The following DGKI variants were observed in gnomAD, a reference collection of about 807,000 sequenced individuals.
DGKI encodes the protein DAG kinase iota.
DGKI carries 55 observed loss-of-function variants against 147.5 expected under a neutral mutation model. The ratio of observed to expected loss-of-function variants is 0.37; its 90% confidence interval spans 0.30 to 0.47. The LOEUF is 0.47. Among genes scored for constraint, DGKI ranks in the 20% least tolerant of loss-of-function variants. DGKI has a pLI of 1.00. For synonymous variants in DGKI, 469 were observed against 477.1 expected (o/e 0.98, Z 0.22); for missense variants, 1,007 against 1,323.8 (o/e 0.76, Z 3.71).
chr7:137,563,287 A>G (rs1022436484), intron 19 of DGKI, among the ~76,000 whole-genome samples: 1 of 151,794 alleles, frequency 6.6e-6, no homozygotes, highest in Non-Finnish European at 1.5e-5. Context: ...ATAAAAAAAA[A>G]CTACAATTAA....
chr7:137,405,948 C>G (rs753207476), intron 30 of DGKI, among the ~76,000 whole-genome samples: 2 of 151,894 alleles, frequency 1.3e-5, no homozygotes, highest in African/African-American at 2.4e-5. Context: ...GATCCTAGGA[C>G]TAGGGGAGGA....
intron 1 of DGKI, among the ~76,000 whole-genome samples, chr7:137,747,873 T>C (rs556269826): frequency 5.9e-5 from 9 of 152,206 alleles, no homozygotes; most frequent in Non-Finnish European, 1.2e-4. Flanking sequence ...CAAGAAACAT[T>C]CTTTTGTTTT....
At chr7:137,567,173 A>C (rs1781842497) in intron 19 of DGKI, among the ~76,000 whole-genome samples, 1 of 151,738 alleles carries the variant, frequency 6.6e-6, no homozygotes, top group African/African-American at 2.4e-5. Flanking sequence ...CTAAGGCAGG[A>C]GAATCGCTTG....
intron 20 of DGKI, among the ~76,000 whole-genome samples, chr7:137,551,921 A>G (rs1265809783): frequency 6.6e-6 from 1 of 152,194 alleles, no homozygotes; most frequent in Non-Finnish European, 1.5e-5. Flanking sequence ...TGCAATGTGG[A>G]TAGAGGCAAG....
intron 3 of DGKI, among the ~76,000 whole-genome samples, chr7:137,669,553 A>T (rs1317472712): frequency 2.0e-5 from 3 of 152,214 alleles, no homozygotes; most frequent in African/African-American, 7.2e-5. Context: ...ACAATATCCA[A>T]TAACAACAGA....
chr7:137,477,705 G>A (rs146066750), intron 23 of DGKI, among the ~76,000 whole-genome samples: 1,899 of 152,152 alleles, frequency 0.012, 38 homozygotes, highest in African/African-American at 0.044. Flanking sequence ...CACCCAGGCG[G>A]GAGTGCAGTG....
chr7:137,399,002 A>ATTT lies in DGKI; in HGVS notation c.2921-1592_2921-1590dup, dbSNP rs10523881. Among the ~76,000 whole-genome samples, 439 of 145,534 alleles carry ATTT rather than the reference A, an allele frequency of 3.0e-3. 2 individuals are homozygous for ATTT. Among genetic ancestry groups the ATTT allele is most frequent in the African/African-American group, 0.011 (421 of 39,594 alleles). On this transcript the variant is annotated intron_variant, in intron 30 of 32. Coordinates refer to ENST00000614521, the MANE Select transcript of DGKI (RefSeq NM_001321708.2). ...TTCCTCAATTTGTTCCCAGGGTTCC[A>ATTT]TTTTTTTTTTTTTCACAAAAGCTAA...
chr7:137,481,973 G>A (rs552898668), intron 23 of DGKI, among the ~76,000 whole-genome samples: 1 of 151,664 alleles, frequency 6.6e-6, no homozygotes, highest in South Asian at 2.1e-4. Context: ...AAGGCATTTC[G>A]TCGTTCATGT....
At chr7:137,447,323 A>G (rs907867864) in intron 27 of DGKI, among the ~76,000 whole-genome samples, 4 of 152,174 alleles carry the variant, frequency 2.6e-5, no homozygotes, top group Non-Finnish European at 4.4e-5. Flanking sequence ...ATTTCAGGGA[A>G]CTCATAATCT....
chr7:137,806,055 T>C (rs1797354636), intron 1 of DGKI, among the ~76,000 whole-genome samples: 1 of 152,214 alleles, frequency 6.6e-6, no homozygotes. Flanking sequence ...TATGAAACAC[T>C]TGGGAGCAAA....
intron 28 of DGKI, among the ~76,000 whole-genome samples, chr7:137,414,268 T>C (rs1179245436): frequency 1.3e-5 from 2 of 152,134 alleles, no homozygotes; most frequent in Non-Finnish European, 2.9e-5. Context: ...CTTGGAAATT[T>C]ATAGAAATGA....
At chr7:137,733,574 C>T (rs976667419) in intron 1 of DGKI, among the ~76,000 whole-genome samples, 2 of 152,112 alleles carry the variant, frequency 1.3e-5, no homozygotes, top group South Asian at 2.1e-4. Flanking sequence ...ATAACTATTG[C>T]GTATCAGCTA....
At chr7:137,579,371 C>T (rs1197875429) in intron 15 of DGKI, among the ~76,000 whole-genome samples, 2 of 146,708 alleles carry the variant, frequency 1.4e-5, no homozygotes, top group Admixed American at 1.4e-4. Flanking sequence ...TCTTCTATAG[C>T]TTAGCTTAAG....
chr7:137,592,139 C>T (rs1435632741), intron 12 of DGKI, among the ~76,000 whole-genome samples: 2 of 152,152 alleles, frequency 1.3e-5, no homozygotes, highest in East Asian at 1.9e-4. Flanking sequence ...ATCCGGAACC[C>T]GTTTCCACCT....
chr7:137,697,462 A>G (rs961531525), intron 1 of DGKI, among the ~76,000 whole-genome samples: 5 of 152,252 alleles, frequency 3.3e-5, no homozygotes, highest in African/African-American at 9.6e-5. Context: ...ATAAATAAGA[A>G]ATTGAGATTG....
At chr7:137,486,921 T>G (rs1815583694) in intron 22 of DGKI, among the ~76,000 whole-genome samples, 1 of 151,954 alleles carries the variant, frequency 6.6e-6, no homozygotes, top group Admixed American at 6.6e-5. Flanking sequence ...TCAAAAAAAA[T>G]GATAAAGAAA....
chr7:137,798,263 T>C (rs1797093419), intron 1 of DGKI, among the ~76,000 whole-genome samples: 1 of 152,172 alleles, frequency 6.6e-6, no homozygotes, highest in African/African-American at 2.4e-5. Flanking sequence ...CTACCAATCA[T>C]TTAAAGAATT....
chr7:137,709,068 A>G (rs1043476877), intron 1 of DGKI, among the ~76,000 whole-genome samples: 1 of 152,210 alleles, frequency 6.6e-6, no homozygotes, highest in African/African-American at 2.4e-5. Context: ...TCGCTGCTCC[A>G]ACCCTTCTTT....
At chr7:137,630,993 T>TA (rs1821104946) in intron 6 of DGKI, among the ~76,000 whole-genome samples, 2 of 152,166 alleles carry the variant, frequency 1.3e-5, no homozygotes, top group African/African-American at 4.8e-5. Context: ...GGGTTTTTTT[T>TA]GAAAAAAAGA....
Sources: allele counts gnomAD v4.1 joint callset (sites outside exome capture counted in the v4.1 genomes callset), GRCh38; gene constraint gnomAD v4.1.1; transcripts MANE v1.5; gene names NCBI Gene and HGNC (gene_info 2026-07-23, HGNC 2026-07-21).